Variants in PLCB4 observed in about 807,000 individuals in gnomAD.
The protein encoded by PLCB4 is 1-phosphatidylinositol 4,5-bisphosphate phosphodiesterase beta-4.
Under a neutral mutation model 178.8 loss-of-function variants are expected in PLCB4, and 77 were observed. That is an observed-to-expected ratio of 0.43 (90% CI 0.36 to 0.52). The LOEUF (loss-of-function observed/expected upper bound fraction) is 0.52. Among genes scored for constraint, PLCB4 ranks in the 20% least tolerant of loss-of-function variants. The probability of loss-of-function intolerance (pLI) is 0.00; values close to 1 mark genes in which losing one functional copy is unlikely to be tolerated. For synonymous variants in PLCB4, 496 were observed against 490.8 expected (o/e 1.01, Z -0.14); for missense variants, 1,024 against 1,453.4 (o/e 0.70, Z 4.80).
chr20:9,410,975 C>A, intron 24 of PLCB4, 62 bp from the exon 25 acceptor site: 2 of 1,182,912 alleles, frequency 1.7e-6, no homozygotes, highest in Non-Finnish European at 1.3e-6. Context: ...TTTCAAATCA[C>A]CCCGTCAGGG....
intron 30 of PLCB4, among the ~76,000 whole-genome samples, chr20:9,441,218 C>T (rs921554191): frequency 1.3e-5 from 2 of 152,148 alleles, no homozygotes; most frequent in Non-Finnish European, 2.9e-5. Context: ...TTAGGCTCAG[C>T]AGAGCCTGGT....
At chr20:9,088,523 C>T (rs933331288) in intron 1 of PLCB4, among the ~76,000 whole-genome samples, 2 of 152,204 alleles carry the variant, frequency 1.3e-5, no homozygotes, top group African/African-American at 4.8e-5. Context: ...ACTCTGTAAG[C>T]TCCTACCTTC....
chr20:9,312,027 T>A (rs2147898357), intron 4 of PLCB4, among the ~76,000 whole-genome samples: 1 of 152,236 alleles, frequency 6.6e-6, no homozygotes, highest in South Asian at 2.1e-4. Context: ...GCATAGATAA[T>A]CAACTCAAAC....
chr20:9,432,223 T>C (rs1385315356), intron 28 of PLCB4, among the ~76,000 whole-genome samples: 1 of 152,186 alleles, frequency 6.6e-6, no homozygotes, highest in African/African-American at 2.4e-5. Context: ...TATACAAAAA[T>C]GCTTGGTTAG....
intron 3 of PLCB4, among the ~76,000 whole-genome samples, chr20:9,266,453 G>A (rs1275439200): frequency 6.6e-6 from 1 of 152,160 alleles, no homozygotes; most frequent in African/African-American, 2.4e-5. Flanking sequence ...CACCTCACAC[G>A]TCTGAAATCA....
At chr20:9,208,424 C>A (rs1433142414) in intron 2 of PLCB4, among the ~76,000 whole-genome samples, 3 of 152,128 alleles carry the variant, frequency 2.0e-5, no homozygotes, top group African/African-American at 7.2e-5. Context: ...TCTAACCAAA[C>A]ATGTTTCTGA....
At chr20:9,400,050 C>T (rs1437096103) in intron 19 of PLCB4, among the ~76,000 whole-genome samples, 2 of 152,102 alleles carry the variant, frequency 1.3e-5, no homozygotes, top group Non-Finnish European at 2.9e-5. Context: ...TATTCCATTT[C>T]CTCAAATCCT....
chr20:9,068,990 C>T (rs2089419541), upstream of PLCB4: 1 of 151,644 alleles, frequency 6.6e-6, no homozygotes, highest in Non-Finnish European at 1.5e-5. Flanking sequence ...CTGGGGTGCG[C>T]CGGGAGGGGG....
At chr20:9,469,105 C>T (rs2044003479) in intron 36 of PLCB4, among the ~76,000 whole-genome samples, 1 of 152,008 alleles carries the variant, frequency 6.6e-6, no homozygotes, top group South Asian at 2.1e-4. Flanking sequence ...CTGAGCCTCC[C>T]TAGTAGCTGG....
intron 3 of PLCB4, among the ~76,000 whole-genome samples, chr20:9,306,353 C>A (rs1427927919): frequency 6.6e-6 from 1 of 151,204 alleles, no homozygotes; most frequent in South Asian, 2.1e-4. Flanking sequence ...GTGATCCACC[C>A]CCTCCCCCCA....
In PLCB4 at chr20:9,459,617, C is replaced by T. The variant is rs1188029172; in HGVS notation, c.3073-18C>T. On this transcript the variant is annotated intron_variant, in intron 34 of 39. Coordinates refer to ENST00000378473, the MANE Select transcript of PLCB4 (RefSeq NM_001377142.1). ...CCTATGAGGATTACAATGGCACCGT[C>T]CCCTTTTTCCCAAACAGGTCAAAGA... 1.3e-6 allele frequency: 2 copies of T among 1,578,968 alleles called. No homozygotes were observed. Among genetic ancestry groups the T allele is most frequent in the East Asian group, 2.3e-5 (1 of 44,008 alleles).
At chr20:9,194,327 G>A (rs1213995357) in intron 2 of PLCB4, among the ~76,000 whole-genome samples, 2 of 152,096 alleles carry the variant, frequency 1.3e-5, no homozygotes, top group African/African-American at 2.4e-5. Flanking sequence ...CCACTGGAGG[G>A]TGAACTCAGG....
intron 2 of PLCB4, among the ~76,000 whole-genome samples, chr20:9,208,459 T>G (rs2093637418): frequency 6.6e-6 from 1 of 152,218 alleles, no homozygotes; most frequent in Admixed American, 6.5e-5. Context: ...AGGATTCTCA[T>G]TTTTTTAAGT....
chr20:9,314,404 G>A (rs561072146), intron 4 of PLCB4, among the ~76,000 whole-genome samples: 50 of 152,268 alleles, frequency 3.3e-4, no homozygotes, highest in Non-Finnish European at 6.9e-4. Flanking sequence ...AGGATTTTGA[G>A]TGTAGGAATA....
intron 2 of PLCB4, among the ~76,000 whole-genome samples, chr20:9,144,653 GAA>G (rs2092558033): frequency 6.6e-5 from 9 of 135,754 alleles, no homozygotes; most frequent in Admixed American, 5.3e-4. Flanking sequence ...AAAAGAAGAA[GAA>G]GAAAGAAGGA....
Position 9,407,919 on chromosome 20 carries a change from C to G in PLCB4, c.1650C>G (p.Gly550=). The change falls in exon 22 of 40, where the codon GGC becomes GGG. Residue 550 remains glycine (G), a splice_region_variant and synonymous_variant. Transcript: ENST00000378473. Reference sequence around the variant, plus strand: ...TGTTTTCTTCCTTGTGCTTGTAGGGCCTGGTCACTGTAGAAGATGAGCAGG... The same window carrying G: ...TGTTTTCTTCCTTGTGCTTGTAGGGGCTGGTCACTGTAGAAGATGAGCAGG... The part of the protein sequence containing the change: ...DDLEHENNKK[G]LVTVEDEQAW... 1 of 1,611,798 alleles carries G rather than the reference C, an allele frequency of 6.2e-7. No homozygotes were observed. Among genetic ancestry groups the G allele is most frequent in the Non-Finnish European group, 8.5e-7 (1 of 1,179,162 alleles).
chr20:9,240,055 A>C (rs1190493064), intron 3 of PLCB4, among the ~76,000 whole-genome samples: 5 of 152,172 alleles, frequency 3.3e-5, no homozygotes, highest in Non-Finnish European at 7.3e-5. Context: ...CACTGACTCA[A>C]ATGTTAATCT....
chr20:9,123,141 T>C (rs1235102549), intron 2 of PLCB4, among the ~76,000 whole-genome samples: 1 of 152,196 alleles, frequency 6.6e-6, no homozygotes, highest in Non-Finnish European at 1.5e-5. Flanking sequence ...TAATTTCAGC[T>C]GACATGTTGG....
At chr20:9,426,065 A>G (rs2040981841) in intron 28 of PLCB4, among the ~76,000 whole-genome samples, 1 of 152,094 alleles carries the variant, frequency 6.6e-6, no homozygotes, top group Non-Finnish European at 1.5e-5. Flanking sequence ...TTCCACAGGA[A>G]CAAGTTCAAG....
Sources: allele counts gnomAD v4.1 joint callset (sites outside exome capture counted in the v4.1 genomes callset), GRCh38; gene constraint gnomAD v4.1.1; transcripts MANE v1.5; gene names NCBI Gene and HGNC (gene_info 2026-07-23, HGNC 2026-07-21).